NAV1: variants seen among roughly 807,000 people sequenced by gnomAD.
NAV1 encodes the protein neuron navigator 1.
Under a neutral mutation model 175.2 loss-of-function variants are expected in NAV1, and 18 were observed. That is an observed-to-expected ratio of 0.10 (90% confidence interval 0.07 to 0.15). The LOEUF is 0.15. Among genes scored for constraint, NAV1 ranks in the 10% least tolerant of loss-of-function variants. The pLI is 1.00. For synonymous variants in NAV1, 897 were observed against 978.7 expected (o/e 0.92, Z 1.56); for missense variants, 1,731 against 2,436.6 (o/e 0.71, Z 6.10).
chr1:201,800,123 C>T (rs778000396), intron 15 of NAV1, among the ~76,000 whole-genome samples: 6 of 151,940 alleles, frequency 3.9e-5, no homozygotes, highest in Admixed American at 1.3e-4. Context: ...CCTAAGCCTC[C>T]GGAGTATCTG....
chr1:201,671,674 G>A (rs143721475), intron 1 of NAV1, among the ~76,000 whole-genome samples: 89 of 152,306 alleles, frequency 5.8e-4, no homozygotes, highest in Non-Finnish European at 1.1e-3. Flanking sequence ...GACGTCACTG[G>A]GAGATGCAGA....
At chr1:201,580,107 AG>A (rs1451687167) in intron 1 of NAV1, among the ~76,000 whole-genome samples, 1 of 152,222 alleles carries the variant, frequency 6.6e-6, no homozygotes, top group Non-Finnish European at 1.5e-5. Flanking sequence ...TCCCAGCTCC[AG>A]GAGAGAGAGA....
At position 201,774,003 on chromosome 1, in the gene NAV1, C is replaced by T. The variant is rs1193338700; in HGVS notation, c.1227-6418C>T. 2.6e-5 allele frequency among the ~76,000 whole-genome samples: 4 copies of T among 152,320 alleles called. No individual in the cohort carries two copies. In the East Asian group the frequency reaches 5.8e-4, roughly 22 times the overall value. Reference sequence around the variant, plus strand: ...TAAAAACTTTTGACACCATTTCTGTCGTACATCAGTAGCCTGTTGGTGGTT... The same window carrying T: ...TAAAAACTTTTGACACCATTTCTGTTGTACATCAGTAGCCTGTTGGTGGTT... On this transcript the variant is annotated intron_variant, in intron 3 of 29. Transcript: ENST00000367296.
At chr1:201,720,534 C>T (rs957080811) in intron 3 of NAV1, among the ~76,000 whole-genome samples, 12 of 152,220 alleles carry the variant, frequency 7.9e-5, no homozygotes, top group African/African-American at 2.2e-4. Flanking sequence ...CCAAGTGTTG[C>T]AAGGTACAGG....
In NAV1 at chr1:201,811,758, G is replaced by A; in HGVS notation, c.4952+1G>A. 1 of 1,604,112 alleles carries A rather than the reference G, an allele frequency of 6.2e-7. No homozygotes were observed. The highest frequency in any genetic ancestry group is 8.5e-7 in the Non-Finnish European group (1 of 1,174,650). ...CCCTCACCTGCAAGTATCATAAATG[G>A]TAAGTAAGCTGGGATCAAGACAAAA... is the stretch of plus-strand genomic sequence containing the variant. On this transcript the variant is annotated splice_donor_variant, in intron 25 of 29. Transcript: ENST00000367296. LOFTEE classifies it high-confidence loss of function.
intron 1 of NAV1, among the ~76,000 whole-genome samples, chr1:201,704,099 C>T (rs146135244): frequency 2.0e-5 from 3 of 152,302 alleles, no homozygotes; most frequent in African/African-American, 7.2e-5. Flanking sequence ...TGGTTAATCC[C>T]AGAAGCCAGG....
At chr1:201,563,152 GT>G (rs1666252284) in intron 1 of NAV1, among the ~76,000 whole-genome samples, 1 of 152,144 alleles carries the variant, frequency 6.6e-6, no homozygotes, top group South Asian at 2.1e-4. Flanking sequence ...TCGTCAGAGG[GT>G]GCAGACATGC....
intron 1 of NAV1, among the ~76,000 whole-genome samples, chr1:201,703,042 A>G (rs1003677001): frequency 6.6e-6 from 1 of 152,016 alleles, no homozygotes; most frequent in Admixed American, 6.6e-5. Context: ...GCCTCCTCCA[A>G]TTGTCATCCA....
upstream of NAV1, among the ~76,000 whole-genome samples, chr1:201,622,019 G>A (rs1473156164): frequency 6.6e-6 from 1 of 152,218 alleles, no homozygotes; most frequent in African/African-American, 2.4e-5. Flanking sequence ...AATGAGTCAA[G>A]GTCTGGAAGA....
intron 3 of NAV1, among the ~76,000 whole-genome samples, chr1:201,756,801 T>TTTCTTTCC (rs1241762861): frequency 2.0e-4 from 8 of 40,568 alleles, no homozygotes; most frequent in African/African-American, 1.0e-3. Flanking sequence ...ATTCTCTTTC[T>TTTCTTTCC]TTCTTTCCTT....
In NAV1 at chr1:201,642,210, T is replaced by C. The variant is rs1389140237; in HGVS notation, c.5-6424T>C. Reference sequence around the variant, plus strand: ...CTTCCCTCCTTTCTTCCTTTCTTCCTTCCCTCCTTTCTTCCTTTCTTTCTC... The same window carrying C: ...CTTCCCTCCTTTCTTCCTTTCTTCCCTCCCTCCTTTCTTCCTTTCTTTCTC... On this transcript the variant is annotated intron_variant, in intron 2 of 29. Transcript: ENST00000367302. Among the ~76,000 whole-genome samples the C allele has an allele frequency of 1.5e-3, 212 of 140,512 alleles. 3 individuals carry two copies. Among genetic ancestry groups the C allele is most frequent in the African/African-American group, 5.9e-3 (209 of 35,152 alleles). The allele number at this position is 140,512 out of a possible 152,430, so 92.2% of individuals were successfully genotyped here.
rs767600016 is a variant in NAV1, at chr1:201,788,592, C to G, written c.3120C>G (p.Pro1040=). 4.3e-6 allele frequency: 7 copies of G among 1,614,132 alleles called. No individual in the cohort carries two copies. The highest frequency in any genetic ancestry group is 5.9e-6 in the Non-Finnish European group (7 of 1,180,022). ...GCACCCTGTCCCTGGCCGAGAGACC[C>G]AAGGGAATGATTCGGTCAGGATCCT... Residue 1040 remains proline, a synonymous_variant, in exon 10 of 30, where the codon CCC becomes CCG. Transcript: ENST00000367296. This position sits in a 1 kb window ranked among gnomAD's most constrained non-coding sequence, Gnocchi z 5.7.
chr1:201,710,020 A>C (rs1429494056), intron 1 of NAV1, among the ~76,000 whole-genome samples: 2 of 152,108 alleles, frequency 1.3e-5, no homozygotes, highest in Admixed American at 1.3e-4. Context: ...GCTAGGATAG[A>C]GGTCTTTGAG....
intron 1 of NAV1, among the ~76,000 whole-genome samples, chr1:201,544,011 G>A (rs1665596541): frequency 6.6e-6 from 1 of 152,236 alleles, no homozygotes; most frequent in Admixed American, 6.5e-5. Flanking sequence ...CTGATGCAGA[G>A]ATGAACTGAT....
At chr1:201,651,122 CGTGTGTGTGTGTGTGT>C (rs60462710) in intron 1 of NAV1, among the ~76,000 whole-genome samples, 1 of 129,056 alleles carries the variant, frequency 7.7e-6, no homozygotes, top group South Asian at 2.8e-4. Context: ...AGGAAGGGAC[CGTGTGTGTGTGTGTGT>C]GTGTGTGTGT....
At chr1:201,728,804 G>T (rs1490142322) in intron 3 of NAV1, among the ~76,000 whole-genome samples, 1 of 152,086 alleles carries the variant, frequency 6.6e-6, no homozygotes, top group Non-Finnish European at 1.5e-5. Context: ...CCCTCAGTCT[G>T]TGCAGCATTA....
intron 1 of NAV1, among the ~76,000 whole-genome samples, chr1:201,701,778 G>C (rs958000622): frequency 6.6e-6 from 1 of 152,230 alleles, no homozygotes; most frequent in Non-Finnish European, 1.5e-5. Context: ...ATATACTGCT[G>C]ATGGGAATGA....
rs200311749 is a variant in NAV1, at chr1:201,803,734, G to T, written c.3639+20G>T. On this transcript the variant is annotated intron_variant, in intron 16 of 29. Transcript: ENST00000367296. ...AGTTGGGTAGGTAAAGGTTTGGGGG[G>T]TGGGAAGTAGGTAGAACCGTGGTGG... The T allele has an allele frequency of 1.4e-6, 2 of 1,443,672 alleles. No homozygotes were observed. The highest frequency in any genetic ancestry group is 9.1e-7 in the Non-Finnish European group (1 of 1,097,330). The allele number at this position is 1,443,672 out of a possible 1,614,324, so 89.4% of individuals were successfully genotyped here.
Position 201,690,830 on chromosome 1 carries a change from C to A in NAV1, c.758-21987C>A, listed in dbSNP as rs576040045. Among the ~76,000 whole-genome samples, 75 of 152,358 alleles carry A rather than the reference C, an allele frequency of 4.9e-4. 3 individuals carry two copies. The South Asian group carries it at 0.014, about 29-fold the overall frequency. Reference sequence around the variant, plus strand: ...AGTGCTGGGCTCCAGGTCAGCAGGTCTTTGCTTTCCTGGTCTCAGGCTCTC... The same window carrying A: ...AGTGCTGGGCTCCAGGTCAGCAGGTATTTGCTTTCCTGGTCTCAGGCTCTC... On this transcript the variant is annotated intron_variant, in intron 1 of 29. Transcript: ENST00000367296.
Sources: gnomAD v4.1 joint callset for allele counts (sites outside exome capture counted in the v4.1 genomes callset) on GRCh38, gnomAD v4.1.1 for gene constraint, Gnocchi (gnomAD v3.1) non-coding constraint, MANE v1.5 for transcripts, NCBI Gene and HGNC (gene_info 2026-07-23, HGNC 2026-07-21) for gene names.